Variants in FAT3 observed in about 807,000 individuals in gnomAD.
The protein encoded by FAT3 is protocadherin Fat 3.
In FAT3, 95 loss-of-function variants were observed where a neutral mutation model predicts 310.2. The ratio of observed to expected loss-of-function variants is 0.31; its 90% CI spans 0.26 to 0.36. The LOEUF (loss-of-function observed/expected upper bound fraction) is 0.36. Ranked by LOEUF, FAT3 falls within the 10% of genes least tolerant of loss-of-function variation. The pLI is 1.00. For synonymous variants in FAT3, 2,314 were observed against 2,192.9 expected, an observed-to-expected ratio of 1.06 and a Z score of -1.54; for missense variants, 5,408 against 5,715.6, an observed-to-expected ratio of 0.95 and a Z score of 1.74.
At chr11:92,508,864 C>G (rs1000793524) in intron 2 of FAT3, among the ~76,000 whole-genome samples, 1 of 152,226 alleles carries the variant, frequency 6.6e-6, no homozygotes, top group East Asian at 1.9e-4. Flanking sequence ...AGCACATCCA[C>G]CTGAAAATGT....
intron 4 of FAT3, chr11:92,749,104 T>C (rs948620025): frequency 6.6e-6 from 1 of 152,178 alleles, no homozygotes; most frequent in African/African-American, 2.4e-5. Context: ...TTCAACCTTT[T>C]TACTATCTTG....
chr11:92,712,182 T>C (rs188804223), intron 4 of FAT3, among the ~76,000 whole-genome samples: 2 of 152,124 alleles, frequency 1.3e-5, no homozygotes, highest in African/African-American at 4.8e-5. Flanking sequence ...TGCCTTCTCA[T>C]GTTTAAAAGC....
chr11:92,362,252 C>G (rs889488443), intron 2 of FAT3, among the ~76,000 whole-genome samples: 1 of 152,292 alleles, frequency 6.6e-6, no homozygotes, highest in East Asian at 1.9e-4. Flanking sequence ...GATAGACAAA[C>G]CGAAAAGGTA....
At chr11:92,519,594 C>A (rs190978067) in intron 2 of FAT3, among the ~76,000 whole-genome samples, 174 of 152,100 alleles carry the variant, frequency 1.1e-3, no homozygotes, top group Middle Eastern at 3.4e-3. Flanking sequence ...AAGCCACAGA[C>A]TGGGGGGGAA....
intron 2 of FAT3, among the ~76,000 whole-genome samples, chr11:92,390,483 G>T (rs1479402788): frequency 2.0e-5 from 3 of 152,106 alleles, no homozygotes; most frequent in Admixed American, 6.5e-5. Flanking sequence ...AGCCATAGTG[G>T]TTGCTCACCA....
chr11:92,363,770 C>T (rs897351654), intron 2 of FAT3, among the ~76,000 whole-genome samples: 1 of 152,138 alleles, frequency 6.6e-6, no homozygotes, highest in South Asian at 2.1e-4. Context: ...CAAGTGACAG[C>T]AGAAACTTTT....
At chr11:92,279,344 G>C (rs1308233679) in intron 1 of FAT3, among the ~76,000 whole-genome samples, 1 of 152,050 alleles carries the variant, frequency 6.6e-6, no homozygotes, top group Non-Finnish European at 1.5e-5. Context: ...ACTGTCTTTG[G>C]AATCAATCAC....
At position 92,264,234 on chromosome 11, in the gene FAT3, A is replaced by G. The variant is rs112404505; in HGVS notation, c.-18+39060A>G. Among the ~76,000 whole-genome samples the G allele has an allele frequency of 2.8e-3, 426 of 152,310 alleles. 1 individual carries two copies. The highest frequency in any genetic ancestry group is 9.8e-3 in the African/African-American group (406 of 41,572). On this transcript the variant is annotated intron_variant, in intron 1 of 27. Transcript: ENST00000525166. ...CTTGTCTCATGACAAACTAAGAGAC[A>G]TGAACACTGATACTAACAATTACTT...
At chr11:92,874,302 G>A (rs1032886910) in intron 22 of FAT3, among the ~76,000 whole-genome samples, 4 of 152,204 alleles carry the variant, frequency 2.6e-5, no homozygotes, top group Admixed American at 2.6e-4. Flanking sequence ...GGGAAGAGTA[G>A]AAACTTTTTA....
At chr11:92,379,473 A>G (rs774747708) in intron 2 of FAT3, among the ~76,000 whole-genome samples, 1 of 152,184 alleles carries the variant, frequency 6.6e-6, no homozygotes, top group Non-Finnish European at 1.5e-5. Flanking sequence ...TTTTCTATCT[A>G]TACCAGGCAG....
intron 3 of FAT3, among the ~76,000 whole-genome samples, chr11:92,596,712 C>G (rs140073997): frequency 6.6e-6 from 1 of 152,282 alleles, no homozygotes; most frequent in African/African-American, 2.4e-5. Flanking sequence ...TAATCTCTGT[C>G]AGGCTTCAAT....
At chr11:92,323,412 T>A (rs1319444201) in intron 1 of FAT3, among the ~76,000 whole-genome samples, 1 of 151,910 alleles carries the variant, frequency 6.6e-6, no homozygotes, top group Non-Finnish European at 1.5e-5. Flanking sequence ...CATGCCTGGA[T>A]AATTTTTTAA....
intron 2 of FAT3, among the ~76,000 whole-genome samples, chr11:92,468,723 G>A (rs1951836261): frequency 6.6e-6 from 1 of 152,108 alleles, no homozygotes; most frequent in Non-Finnish European, 1.5e-5. Flanking sequence ...CAGCAGCAAG[G>A]AGAAGTGCAG....
At position 92,379,769 on chromosome 11, in the gene FAT3, A is replaced by ATGT. The variant is rs1949443570; in HGVS notation, c.3292+24367_3292+24369dup. 2.6e-5 allele frequency among the ~76,000 whole-genome samples: 4 copies of ATGT among 152,138 alleles called. No individual in the cohort carries two copies. The South Asian group carries it at 8.3e-4, about 32-fold the overall frequency. On this transcript the variant is annotated intron_variant, in intron 2 of 27. Transcript: ENST00000525166. ...CTTTTTACATTTGGGTTTGAACTTT[A>ATGT]TGTTTGTCACTGTTTCAGAATTGCT...
chr11:92,476,113 G>T (rs778960404), intron 2 of FAT3, among the ~76,000 whole-genome samples: 4 of 151,980 alleles, frequency 2.6e-5, no homozygotes, highest in Non-Finnish European at 5.9e-5. Context: ...GTGTGCAGGG[G>T]AAGGGAGAGA....
chr11:92,463,918 A>T (rs1388008430), intron 2 of FAT3, among the ~76,000 whole-genome samples: 2 of 152,254 alleles, frequency 1.3e-5, no homozygotes, highest in Admixed American at 6.5e-5. Flanking sequence ...AATAGGGGTG[A>T]TGTTTTTCTA....
intron 2 of FAT3, among the ~76,000 whole-genome samples, chr11:92,386,931 G>T (rs907383860): frequency 1.3e-5 from 2 of 152,160 alleles, no homozygotes; most frequent in East Asian, 3.9e-4. Flanking sequence ...GGCAGGAGCT[G>T]TGTGGGATTC....
At chr11:92,332,603 A>G (rs1316382369) in intron 1 of FAT3, among the ~76,000 whole-genome samples, 1 of 152,164 alleles carries the variant, frequency 6.6e-6, no homozygotes, top group Non-Finnish European at 1.5e-5. Flanking sequence ...CCAACCAGAA[A>G]CAGAAACTAA....
intron 3 of FAT3, among the ~76,000 whole-genome samples, chr11:92,580,594 G>T (rs1291074569): frequency 6.6e-6 from 1 of 152,050 alleles, no homozygotes; most frequent in Non-Finnish European, 1.5e-5. Context: ...GCACTTTGAA[G>T]ATGTTGATGT....
Sources: gnomAD v4.1 joint callset for allele counts (sites outside exome capture counted in the v4.1 genomes callset) on GRCh38, gnomAD v4.1.1 for gene constraint, MANE v1.5 for transcripts, NCBI Gene and HGNC (gene_info 2026-07-23, HGNC 2026-07-21) for gene names.